Variants in DCAF7 observed in about 807,000 individuals in gnomAD.
DCAF7 encodes the protein DDB1 and CUL4 associated factor 7, also known as DDB1- and CUL4-associated factor 7.
DCAF7 carries 4 observed loss-of-function variants against 41.2 expected under a neutral mutation model. That is an observed-to-expected ratio of 0.10 (90% CI 0.05 to 0.22). The LOEUF (loss-of-function observed/expected upper bound fraction) is 0.22. DCAF7 is among the 10% of genes least tolerant of loss of function. DCAF7 has a pLI of 1.00. For missense variants in DCAF7, 131 were observed against 443.2 expected, an observed-to-expected ratio of 0.30 and a Z score of 6.32; for synonymous variants, 143 against 164.2, an observed-to-expected ratio of 0.87 and a Z score of 0.99.
chr17:63,550,575 C>T lies in DCAF7; in HGVS notation c.-103C>T. On this transcript the variant is annotated 5_prime_UTR_variant, in exon 1 of 7. Transcript: ENST00000614556. The surrounding 1 kb of genome is among the most constrained non-coding windows in gnomAD (Gnocchi z 4.8). ...GCTTCCGGGTTAGGCCGTTCCTGCC[C>T]GCCCCCTCCTCTCCTCCCTTCGGAC... is the stretch of plus-strand genomic sequence containing the variant. The T allele has an allele frequency of 6.6e-7, 1 of 1,514,298 alleles. No individual in the cohort carries two copies. The highest frequency in any genetic ancestry group is 8.9e-7 in the Non-Finnish European group (1 of 1,128,130). The allele number at this position is 1,514,298 out of a possible 1,614,324, so 93.8% of individuals were successfully genotyped here. A position where few individuals can be genotyped will look rare whatever the true frequency, so the allele number is the denominator to read the frequency against.
chr17:63,582,071 A>G (rs1327312844), intron 4 of DCAF7, among the ~76,000 whole-genome samples: 1 of 152,104 alleles, frequency 6.6e-6, no homozygotes, highest in Non-Finnish European at 1.5e-5. Flanking sequence ...GGGGGTATAC[A>G]TATTGATAAA....
Position 63,550,729 on chromosome 17 carries a change from A to G in DCAF7, c.52A>G (p.Thr18Ala), listed in dbSNP as rs1464847698. Residue 18 changes from threonine to alanine, a missense_variant, in exon 1 of 7, where the codon ACA becomes GCA. Physicochemically the swap from Thr to Ala is moderately conservative, Grantham distance 58. Transcript: ENST00000614556. The surrounding 1 kb of genome is among the most constrained non-coding windows in gnomAD (Gnocchi z 4.8). ...GATCTACAAGTATGAAGCGCCCTGG[A>G]CAGTCTACGCGATGAACTGGAGTGT... is the stretch of plus-strand genomic sequence containing the variant. ...KEIYKYEAPW[T>A]VYAMNWSVRP... is the part of the protein sequence containing the mutation. The G allele has an allele frequency of 5.0e-6, 8 of 1,613,798 alleles. No individual in the cohort carries two copies. The highest frequency in any genetic ancestry group is 5.9e-6 in the Non-Finnish European group (7 of 1,179,842).
intron 1 of DCAF7, among the ~76,000 whole-genome samples, chr17:63,555,930 G>T (rs534977967): frequency 6.6e-6 from 1 of 152,132 alleles, no homozygotes; most frequent in African/African-American, 2.4e-5. Context: ...CAAAGCTCTC[G>T]CTGCCAGAGC....
At chr17:63,586,868 AG>A (rs1041963018) in intron 6 of DCAF7, among the ~76,000 whole-genome samples, 3 of 152,230 alleles carry the variant, frequency 2.0e-5, no homozygotes, top group African/African-American at 7.2e-5. Context: ...TTTAAGAGCA[AG>A]GCGAAAGTCA....
chr17:63,572,351 G>A (rs2033516686), intron 1 of DCAF7, among the ~76,000 whole-genome samples: 1 of 152,192 alleles, frequency 6.6e-6, no homozygotes, highest in Admixed American at 6.5e-5. Flanking sequence ...TTAACATTGG[G>A]CAGGATTTGG....
chr17:63,551,797 A>G (rs1386955755), intron 1 of DCAF7, among the ~76,000 whole-genome samples: 1 of 146,960 alleles, frequency 6.8e-6, no homozygotes, highest in Non-Finnish European at 1.5e-5. Context: ...CTGTAATCCC[A>G]GGACTTTGGG....
intron 1 of DCAF7, among the ~76,000 whole-genome samples, chr17:63,565,609 G>T (rs1338815011): frequency 6.6e-6 from 1 of 152,012 alleles, no homozygotes; most frequent in African/African-American, 2.4e-5. Context: ...GGAGCTTTGT[G>T]ATATTGGGCA....
chr17:63,590,044 G>A lies in DCAF7; in HGVS notation c.*872G>A, dbSNP rs1176550372. 1 of 152,646 alleles carries A rather than the reference G, an allele frequency of 6.6e-6. No homozygotes were observed. The highest frequency in any genetic ancestry group is 1.5e-5 in the Non-Finnish European group (1 of 68,056). 9.5% of individuals were successfully genotyped at this position (152,646 alleles called of 1,614,324 possible). A position where few individuals can be genotyped will look rare whatever the true frequency, so the allele number is the denominator to read the frequency against. On this transcript the variant is annotated 3_prime_UTR_variant, in exon 7 of 7. Coordinates refer to ENST00000614556, the MANE Select transcript of DCAF7 (RefSeq NM_005828.5). ...AGGCTCTCAGGGTACCTGACTTGAG[G>A]GGAATCGTTTCATGAAGCTGAACTT...
Position 63,593,018 on chromosome 17 carries a change from T to C in DCAF7, c.*3846T>C. On this transcript the variant is annotated 3_prime_UTR_variant, in exon 7 of 7. Transcript: ENST00000614556. ...TAGCAGCTGCAGGGTTTACCACACG[T>C]GGGAGGGCAGCCCAGTACTGTCCCT... is the stretch of plus-strand genomic sequence containing the variant. The C allele has an allele frequency of 6.6e-6, 1 of 152,334 alleles. No homozygotes were observed. The highest frequency in any genetic ancestry group is 1.5e-5 in the Non-Finnish European group (1 of 68,134). 9.4% of individuals were successfully genotyped at this position (152,334 alleles called of 1,614,324 possible).
At chr17:63,582,373 G>A (rs1419506152) in intron 4 of DCAF7, among the ~76,000 whole-genome samples, 1 of 152,080 alleles carries the variant, frequency 6.6e-6, no homozygotes, top group Non-Finnish European at 1.5e-5. Context: ...GAAGTCAGCT[G>A]TTATTATCCC....
chr17:63,566,331 A>G (rs1002202407), intron 1 of DCAF7, among the ~76,000 whole-genome samples: 1 of 151,558 alleles, frequency 6.6e-6, no homozygotes, highest in African/African-American at 2.4e-5. Flanking sequence ...AGATGGCGCC[A>G]CTGCACACCA....
intron 5 of DCAF7, among the ~76,000 whole-genome samples, chr17:63,584,449 T>C (rs2033656291): frequency 7.0e-6 from 1 of 143,268 alleles, no homozygotes; most frequent in African/African-American, 2.6e-5. Flanking sequence ...GCCTGGGAGA[T>C]AGAGCAAGAC....
At chr17:63,568,344 C>G (rs1425338302) in intron 1 of DCAF7, among the ~76,000 whole-genome samples, 1 of 152,056 alleles carries the variant, frequency 6.6e-6, no homozygotes, top group African/African-American at 2.4e-5. Context: ...TTGGGCATGC[C>G]CTAAGATATT....
intron 6 of DCAF7, among the ~76,000 whole-genome samples, chr17:63,587,414 C>T (rs1271301801): frequency 6.6e-6 from 1 of 151,998 alleles, no homozygotes; most frequent in Admixed American, 6.6e-5. Flanking sequence ...GAAAGCAGGA[C>T]TGGCCCCGTA....
chr17:63,567,024 A>C (rs2147766508), intron 1 of DCAF7, among the ~76,000 whole-genome samples: 1 of 152,068 alleles, frequency 6.6e-6, no homozygotes, highest in South Asian at 2.1e-4. Context: ...GGCTGGTCTC[A>C]AACTACTGGG....
In DCAF7 at chr17:63,590,051, G is replaced by A. The variant is rs1190281100; in HGVS notation, c.*879G>A. ...CAGGGTACCTGACTTGAGGGGAATC[G>A]TTTCATGAAGCTGAACTTCAAGCAT... On this transcript the variant is annotated 3_prime_UTR_variant, in exon 7 of 7. Coordinates refer to ENST00000614556, the MANE Select transcript of DCAF7 (RefSeq NM_005828.5). 6.6e-6 allele frequency: 1 copy of A among 152,644 alleles called. No homozygotes were observed. The highest frequency in any genetic ancestry group is 1.5e-5 in the Non-Finnish European group (1 of 68,050). The allele number at this position is 152,644 out of a possible 1,614,324, so 9.5% of individuals were successfully genotyped here. A position where few individuals can be genotyped will look rare whatever the true frequency, so the allele number is the denominator to read the frequency against.
chr17:63,558,276 G>T (rs989108438), intron 1 of DCAF7, among the ~76,000 whole-genome samples: 1 of 152,134 alleles, frequency 6.6e-6, no homozygotes, highest in Admixed American at 6.5e-5. Flanking sequence ...CTTTAAGAGG[G>T]GAAAAGAAAT....
rs77683967 is a variant in DCAF7 at position 63,565,230 on chromosome 17, C to T, written c.139-13240C>T. 4.9e-3 allele frequency among the ~76,000 whole-genome samples: 752 copies of T among 152,246 alleles called. 6 individuals are homozygous for T. The highest frequency in any genetic ancestry group is 0.016 in the African/African-American group (684 of 41,538). On this transcript the variant is annotated intron_variant, in intron 1 of 6. Transcript: ENST00000614556. The stretch of plus-strand genomic sequence containing the variant: ...ACAAATGTTCTAAGCTGGTGATTTC[C>T]GTGTAATGGTGAAGAGTTTGGGTAG...
intron 4 of DCAF7, among the ~76,000 whole-genome samples, chr17:63,580,720 A>C (rs2033613994): frequency 6.6e-6 from 1 of 151,828 alleles, no homozygotes; most frequent in Non-Finnish European, 1.5e-5. Flanking sequence ...GGGTTTCACC[A>C]TGTTGGCCAG....
Sources: allele counts gnomAD v4.1 joint callset (sites outside exome capture counted in the v4.1 genomes callset), GRCh38; gene constraint gnomAD v4.1.1; non-coding constraint Gnocchi (gnomAD v3.1); transcripts MANE v1.5; gene names NCBI Gene and HGNC (gene_info 2026-07-23, HGNC 2026-07-21).